Variants in DLGAP1 observed in about 807,000 individuals in gnomAD.
The protein encoded by DLGAP1 is disks large-associated protein 1.
A neutral mutation model predicts 90.8 loss-of-function variants in DLGAP1; 11 were observed. That is an observed-to-expected ratio of 0.12 (90% confidence interval 0.08 to 0.20). The LOEUF (loss-of-function observed/expected upper bound fraction) is 0.20. Among genes scored for constraint, DLGAP1 ranks in the 10% least tolerant of loss-of-function variants. DLGAP1 has a pLI of 1.00. For missense variants in DLGAP1, 1,050 were observed against 1,333.8 expected (o/e 0.79, Z 3.31); for synonymous variants, 558 against 540.7 (o/e 1.03, Z -0.44).
At chr18:3,656,895 C>T (rs112455769) in intron 7 of DLGAP1, among the ~76,000 whole-genome samples, 4,030 of 151,962 alleles carry the variant, frequency 0.027, 191 homozygotes, top group African/African-American at 0.093. Context: ...TACAGGCGCC[C>T]GCCAGCACGC....
chr18:4,120,142 C>G (rs1237773940), intron 2 of DLGAP1, among the ~76,000 whole-genome samples: 1 of 152,116 alleles, frequency 6.6e-6, no homozygotes, highest in Non-Finnish European at 1.5e-5. Flanking sequence ...AATTATAATG[C>G]TATTTATTAG....
At position 4,288,054 on chromosome 18, in the gene DLGAP1, G is replaced by C. The variant is rs1003722231; in HGVS notation, c.-266-136767C>G. Among the ~76,000 whole-genome samples the C allele has an allele frequency of 6.7e-5, 4 of 60,130 alleles. No individual in the cohort carries two copies. The Admixed American group carries it at 8.8e-4, about 13-fold the overall frequency. The allele number at this position is 60,130 out of a possible 152,430, so 39.4% of individuals were successfully genotyped here. The stretch of plus-strand genomic sequence containing the variant: ...GAGTCAGGTCAGGAGAATAAAGGTG[G>C]CAGCTTGACAAATTTTTTATTATTA... On this transcript the variant is annotated intron_variant, in intron 1 of 12. Transcript: ENST00000315677.
intron 12 of DLGAP1, among the ~76,000 whole-genome samples, chr18:3,500,982 C>T (rs545529071): frequency 2.3e-4 from 35 of 152,194 alleles, no homozygotes; most frequent in Admixed American, 1.2e-3. Context: ...GGCGCAACCA[C>T]GGCTCACTGC....
chr18:3,551,032 C>G (rs2053375607), intron 9 of DLGAP1, among the ~76,000 whole-genome samples: 1 of 151,340 alleles, frequency 6.6e-6, no homozygotes, highest in Non-Finnish European at 1.5e-5. Flanking sequence ...TGAGCCACCA[C>G]GTCCAGCCCA....
In DLGAP1 at chr18:3,955,440, C is replaced by A. The variant is rs565525127; in HGVS notation, c.-73+49676G>T. Among the ~76,000 whole-genome samples, 124 of 152,034 alleles carry A rather than the reference C, an allele frequency of 8.2e-4. 1 individual carries two copies. The highest frequency in any genetic ancestry group is 1.2e-3 in the Admixed American group (18 of 15,258). On this transcript the variant is annotated intron_variant, in intron 3 of 12. Transcript: ENST00000315677. ...AGTTAGGTAGAGACAGGCCGGGCGC[C>A]GTGGCTCATGCCTGTAATCCCAGCA...
chr18:4,196,740 A>G (rs558075049), intron 1 of DLGAP1, among the ~76,000 whole-genome samples: 1 of 152,360 alleles, frequency 6.6e-6, no homozygotes, highest in Admixed American at 6.5e-5. Flanking sequence ...TGTTATGTGT[A>G]TACATTTATT....
At chr18:4,033,107 C>T (rs2074825160) in intron 2 of DLGAP1, among the ~76,000 whole-genome samples, 1 of 152,120 alleles carries the variant, frequency 6.6e-6, no homozygotes, top group African/African-American at 2.4e-5. Context: ...AATAATAGTT[C>T]TCAACCTTTC....
chr18:3,890,552 T>G (rs2071433188), intron 3 of DLGAP1, among the ~76,000 whole-genome samples: 1 of 152,210 alleles, frequency 6.6e-6, no homozygotes, highest in African/African-American at 2.4e-5. Context: ...AATCTGACCC[T>G]TTTAACTTTT....
chr18:4,358,286 A>G (rs2081564923), intron 1 of DLGAP1, among the ~76,000 whole-genome samples: 1 of 152,224 alleles, frequency 6.6e-6, no homozygotes, highest in Non-Finnish European at 1.5e-5. Flanking sequence ...TGACTGAAAG[A>G]TTTCTTTGAA....
At chr18:3,910,682 T>C (rs916544064) in intron 3 of DLGAP1, among the ~76,000 whole-genome samples, 8 of 152,150 alleles carry the variant, frequency 5.3e-5, no homozygotes, top group African/African-American at 1.9e-4. Flanking sequence ...AGTGCCTGCC[T>C]TTGCGGTGTC....
chr18:3,729,016 A>T lies in DLGAP1; in HGVS notation c.1591+119T>A. On this transcript the variant is annotated intron_variant, in intron 7 of 12. Transcript: ENST00000315677. This position sits in a 1 kb window ranked among gnomAD's most constrained non-coding sequence, Gnocchi z 6.2. Reference sequence around the variant, plus strand: ...GGAAGGAAAACCTTTGGTTTGTAGGACATGGGTGGTATCTTGTTCCTGGCA... The same window carrying T: ...GGAAGGAAAACCTTTGGTTTGTAGGTCATGGGTGGTATCTTGTTCCTGGCA... The T allele has an allele frequency of 7.0e-7, 1 of 1,423,178 alleles. No individual in the cohort carries two copies. Among genetic ancestry groups the T allele is most frequent in the East Asian group, 2.5e-5 (1 of 40,712 alleles). 88.2% of individuals were successfully genotyped at this position (1,423,178 alleles called of 1,614,324 possible). A position where few individuals can be genotyped will look rare whatever the true frequency, so the allele number is the denominator to read the frequency against.
intron 2 of DLGAP1, among the ~76,000 whole-genome samples, chr18:4,150,622 T>C (rs12953950): frequency 6.6e-6 from 1 of 151,916 alleles, no homozygotes; most frequent in East Asian, 1.9e-4. Flanking sequence ...TTAGTGGAGA[T>C]GGGGTTTCAC....
chr18:3,780,524 G>GT (rs1555667665), intron 5 of DLGAP1, among the ~76,000 whole-genome samples: 17,479 of 127,280 alleles, frequency 0.14, 1,820 homozygotes, highest in African/African-American at 0.31. Flanking sequence ...GTCTGTCCAG[G>GT]TCCCCCTCCA....
At chr18:4,131,763 T>C (rs2076321026) in intron 2 of DLGAP1, among the ~76,000 whole-genome samples, 1 of 152,202 alleles carries the variant, frequency 6.6e-6, no homozygotes. Flanking sequence ...CGTATTTTAC[T>C]AGCCATAGGC....
At chr18:3,599,211 C>T (rs1043952789) in intron 7 of DLGAP1, among the ~76,000 whole-genome samples, 2 of 152,238 alleles carry the variant, frequency 1.3e-5, no homozygotes, top group Admixed American at 1.3e-4. Flanking sequence ...CCCCCATCCT[C>T]CTCCTCGTTG....
intron 3 of DLGAP1, 119 bp from the exon 4 acceptor site, chr18:3,880,259 C>T (rs1401910228): frequency 1.6e-6 from 1 of 614,016 alleles, no homozygotes. Context: ...TCTCTGCTTC[C>T]TGCAGCCTCC....
At chr18:3,928,374 T>C (rs985261670) in intron 3 of DLGAP1, among the ~76,000 whole-genome samples, 1 of 152,204 alleles carries the variant, frequency 6.6e-6, no homozygotes, top group African/African-American at 2.4e-5. Context: ...TCAGTAATTA[T>C]GCTGAAAGTT....
At chr18:4,332,340 A>T (rs918587224) in intron 1 of DLGAP1, among the ~76,000 whole-genome samples, 2 of 151,966 alleles carry the variant, frequency 1.3e-5, no homozygotes, top group Non-Finnish European at 2.9e-5. Context: ...TCTGAAAGTA[A>T]AATTATGGAT....
intron 4 of DLGAP1, among the ~76,000 whole-genome samples, chr18:3,869,692 A>T (rs2070627014): frequency 6.6e-6 from 1 of 152,238 alleles, no homozygotes; most frequent in Admixed American, 6.5e-5. Context: ...CCCATATTGG[A>T]AAGGGCTTTT....
Sources: allele counts gnomAD v4.1 joint callset (sites outside exome capture counted in the v4.1 genomes callset), GRCh38; gene constraint gnomAD v4.1.1; non-coding constraint Gnocchi (gnomAD v3.1); transcripts MANE v1.5; gene names NCBI Gene and HGNC (gene_info 2026-07-23, HGNC 2026-07-21).